The following PEAK1 variants were observed in gnomAD, a reference collection of about 807,000 sequenced individuals.
The protein encoded by PEAK1 is pseudopodium enriched atypical kinase 1.
In PEAK1, 54 loss-of-function variants were observed where a neutral mutation model predicts 124.7. The ratio of observed to expected loss-of-function variants is 0.43; its 90% CI spans 0.35 to 0.54. The LOEUF (loss-of-function observed/expected upper bound fraction) is 0.54. Ranked by LOEUF, PEAK1 falls within the 20% of genes least tolerant of loss-of-function variation. The pLI is 0.01. For synonymous variants in PEAK1, 719 were observed against 760.0 expected, an observed-to-expected ratio of 0.95 and a Z score of 0.89; for missense variants, 2,046 against 2,134.5, an observed-to-expected ratio of 0.96 and a Z score of 0.82.
At chr15:77,320,060 C>T (rs2065102789) in intron 2 of PEAK1, among the ~76,000 whole-genome samples, 1 of 152,112 alleles carries the variant, frequency 6.6e-6, no homozygotes, top group Non-Finnish European at 1.5e-5. Flanking sequence ...ACTGAAATTG[C>T]TAATATATGA....
At chr15:77,255,957 G>C (rs941251609) in intron 5 of PEAK1, among the ~76,000 whole-genome samples, 1 of 152,076 alleles carries the variant, frequency 6.6e-6, no homozygotes, top group Non-Finnish European at 1.5e-5. Context: ...AGACATTATA[G>C]ACACAGGTAA....
At chr15:77,333,802 C>A in intron 2 of PEAK1, 2 of 824,968 alleles carry the variant, frequency 2.4e-6, no homozygotes, top group Non-Finnish European at 2.9e-6. Flanking sequence ...TTAATCATTG[C>A]AGATTTATAA....
At chr15:77,126,315 C>T (rs557934173) in intron 9 of PEAK1, among the ~76,000 whole-genome samples, 71 of 152,228 alleles carry the variant, frequency 4.7e-4, no homozygotes, top group Admixed American at 1.3e-3. Context: ...GACTTATGTG[C>T]CATAATTTAT....
chr15:77,174,835 T>C (rs1027278048), intron 7 of PEAK1, among the ~76,000 whole-genome samples: 6 of 152,158 alleles, frequency 3.9e-5, no homozygotes, highest in African/African-American at 1.2e-4. Flanking sequence ...GGCATCACGC[T>C]ACCTGACTTC....
chr15:77,280,574 T>C lies in PEAK1; in HGVS notation c.-275+3309A>G, dbSNP rs576842970. On this transcript the variant is annotated intron_variant, in intron 5 of 9. Transcript: ENST00000682557. Reference sequence around the variant, plus strand: ...TAATCAAATGATTTCCTTTTTTTTTTTTTTTGAGCCTTTTCTTATTCTAAA... The same window carrying C: ...TAATCAAATGATTTCCTTTTTTTTTCTTTTTGAGCCTTTTCTTATTCTAAA... Among the ~76,000 whole-genome samples the C allele has an allele frequency of 2.0e-5, 3 of 152,190 alleles. No homozygotes were observed. The East Asian group carries it at 5.8e-4, about 29-fold the overall frequency.
chr15:77,275,239 C>G (rs575122497), intron 5 of PEAK1, among the ~76,000 whole-genome samples: 2 of 152,190 alleles, frequency 1.3e-5, no homozygotes, highest in East Asian at 3.9e-4. Context: ...GATAGGTGCA[C>G]CAAAATCTCA....
At chr15:77,275,928 T>C (rs376294790) in intron 5 of PEAK1, among the ~76,000 whole-genome samples, 3 of 151,952 alleles carry the variant, frequency 2.0e-5, no homozygotes, top group African/African-American at 7.2e-5. Flanking sequence ...ATGTAAATAA[T>C]GAAATTACAA....
rs1175298408 is a variant in PEAK1, at chr15:77,108,696, GTAC to G, written c.*5457_*5459del. On this transcript the variant is annotated 3_prime_UTR_variant, in exon 10 of 10. Transcript: ENST00000682557. The stretch of plus-strand genomic sequence containing the variant: ...CACTAACGGGCAAAGTGGGTTTTCT[GTAC>G]TACAACAATATTCGTAGCAAAATAT... 1 of 152,144 alleles carries G rather than the reference GTAC, an allele frequency of 6.6e-6. No homozygotes were observed. The highest frequency in any genetic ancestry group is 1.5e-5 in the Non-Finnish European group (1 of 68,032). 9.4% of individuals were successfully genotyped at this position (152,144 alleles called of 1,614,324 possible). A position where few individuals can be genotyped will look rare whatever the true frequency, so the allele number is the denominator to read the frequency against.
rs1293233411 is a variant in PEAK1, at chr15:77,285,672, C to T, written c.-520-617G>A. On this transcript the variant is annotated intron_variant, in intron 3 of 9. Transcript: ENST00000682557. ...TCTAGCTGTTTATAATTTTGTCTTT[C>T]ATATTCATAGTTAAGTTGCTAATCA... Among the ~76,000 whole-genome samples the T allele has an allele frequency of 2.6e-5, 4 of 152,164 alleles. No homozygotes were observed. The East Asian group carries it at 7.7e-4, about 29-fold the overall frequency.
At chr15:77,192,338 G>A (rs1256559533) in intron 6 of PEAK1, among the ~76,000 whole-genome samples, 2 of 152,194 alleles carry the variant, frequency 1.3e-5, no homozygotes, top group Non-Finnish European at 2.9e-5. Context: ...GGACCATGAA[G>A]GATGGGAACT....
At chr15:77,283,242 T>C (rs1184854086) in intron 5 of PEAK1, among the ~76,000 whole-genome samples, 2 of 152,230 alleles carry the variant, frequency 1.3e-5, no homozygotes, top group East Asian at 1.9e-4. Context: ...CTCCATCCTT[T>C]GCTGTTTTCC....
At chr15:77,250,192 C>CATATATATACATATATATGTATATGT (rs1567166477) in intron 6 of PEAK1, among the ~76,000 whole-genome samples, 2 of 104,104 alleles carry the variant, frequency 1.9e-5, no homozygotes, top group African/African-American at 6.7e-5. Flanking sequence ...TATATATATA[C>CATATATATACATATATATGTATATGT]ATATATATAC....
rs183830888 is a variant in PEAK1, at chr15:77,273,043, G to A, written c.-275+10840C>T. 1.0e-3 allele frequency among the ~76,000 whole-genome samples: 154 copies of A among 152,150 alleles called. 1 individual carries two copies. Among genetic ancestry groups the A allele is most frequent in the African/African-American group, 3.4e-3 (141 of 41,532 alleles). ...CATCTCAATAGATTGCACAAAAAGC[G>A]TTTGACAAAATCCAGCATCCCTTTA... On this transcript the variant is annotated intron_variant, in intron 5 of 9. Coordinates refer to ENST00000682557, the MANE Select transcript of PEAK1 (RefSeq NM_001385026.1).
chr15:77,405,194 T>G (rs2071714406), intron 1 of PEAK1, among the ~76,000 whole-genome samples: 1 of 151,974 alleles, frequency 6.6e-6, no homozygotes. Flanking sequence ...TTAGTAGGGA[T>G]GGGGTTTCAT....
intron 1 of PEAK1, among the ~76,000 whole-genome samples, chr15:77,419,799 G>A (rs1438523654): frequency 1.3e-5 from 2 of 148,408 alleles, no homozygotes; most frequent in African/African-American, 2.4e-5. Context: ...GGTGGCCGGG[G>A]AGCTAGAGCC....
chr15:77,364,242 A>T (rs1419432749), intron 2 of PEAK1, among the ~76,000 whole-genome samples: 2 of 152,160 alleles, frequency 1.3e-5, no homozygotes, highest in African/African-American at 4.8e-5. Flanking sequence ...GACTGTGGTG[A>T]TGGTTGCACA....
At chr15:77,164,643 AG>A (rs1163805119) in intron 7 of PEAK1, among the ~76,000 whole-genome samples, 2 of 152,264 alleles carry the variant, frequency 1.3e-5, no homozygotes, top group African/African-American at 4.8e-5. Context: ...ATACAAAGTC[AG>A]AATGGCATCT....
chr15:77,107,649 C>T (rs931370475), downstream of PEAK1: 2 of 152,240 alleles, frequency 1.3e-5, no homozygotes, highest in Non-Finnish European at 2.9e-5. Context: ...GCTGAAGTGT[C>T]CACACATTAG....
intron 5 of PEAK1, among the ~76,000 whole-genome samples, chr15:77,273,934 G>C (rs918577875): frequency 4.6e-5 from 7 of 152,154 alleles, no homozygotes; most frequent in African/African-American, 1.7e-4. Flanking sequence ...AACAGGCATA[G>C]AGACCAATGG....
Sources: gnomAD v4.1 joint callset for allele counts (sites outside exome capture counted in the v4.1 genomes callset) on GRCh38, gnomAD v4.1.1 for gene constraint, MANE v1.5 for transcripts, NCBI Gene and HGNC (gene_info 2026-07-23, HGNC 2026-07-21) for gene names.